Variants in EPB41L5 observed in about 807,000 individuals in gnomAD.
EPB41L5 encodes band 4.1-like protein 5.
EPB41L5 carries 55 observed loss-of-function variants against 106.6 expected under a neutral mutation model. The ratio of observed to expected loss-of-function variants is 0.52; its 90% CI spans 0.42 to 0.65. EPB41L5 has a LOEUF of 0.65. EPB41L5 is among the 30% of genes least tolerant of loss of function. The pLI, the probability that EPB41L5 is intolerant of heterozygous loss-of-function variation, is 0.00. For missense variants in EPB41L5, 871 were observed against 882.1 expected (o/e 0.99, Z 0.16); for synonymous variants, 297 against 306.7 (o/e 0.97, Z 0.33).
chr2:120,041,299 T>C (rs1228923700), intron 2 of EPB41L5, among the ~76,000 whole-genome samples: 1 of 152,146 alleles, frequency 6.6e-6, no homozygotes, highest in Admixed American at 6.5e-5. Flanking sequence ...ATGTGTTGTT[T>C]TGTTTCAGGT....
chr2:120,084,201 T>C (rs562786074), intron 10 of EPB41L5, among the ~76,000 whole-genome samples: 55 of 152,322 alleles, frequency 3.6e-4, no homozygotes, highest in African/African-American at 1.2e-3. Flanking sequence ...CATTAGTTGA[T>C]GCAGTTTCTT....
intron 20 of EPB41L5, among the ~76,000 whole-genome samples, chr2:120,154,676 C>T (rs1686827534): frequency 6.6e-6 from 1 of 151,978 alleles, no homozygotes; most frequent in Non-Finnish European, 1.5e-5. Flanking sequence ...CCTGTAATCC[C>T]AGCACTTTGG....
At chr2:120,119,266 C>T (rs1194764768) in intron 16 of EPB41L5, among the ~76,000 whole-genome samples, 3 of 151,874 alleles carry the variant, frequency 2.0e-5, no homozygotes, top group Non-Finnish European at 4.4e-5. Flanking sequence ...TTCTCCCATT[C>T]TGTAAGTTGT....
chr2:120,169,774 C>T (rs192291443), intron 24 of EPB41L5, among the ~76,000 whole-genome samples: 58 of 152,280 alleles, frequency 3.8e-4, no homozygotes, highest in Admixed American at 1.7e-3. Flanking sequence ...AGTTCACAAA[C>T]CAATATCCAA....
chr2:120,056,328 C>T (rs1261478485), intron 3 of EPB41L5, among the ~76,000 whole-genome samples: 1 of 147,822 alleles, frequency 6.8e-6, no homozygotes, highest in Admixed American at 6.8e-5. Flanking sequence ...GAGATGGAGT[C>T]TCGCTTTGTT....
intron 3 of EPB41L5, among the ~76,000 whole-genome samples, chr2:120,049,385 C>G (rs180926501): frequency 5.9e-5 from 9 of 152,294 alleles, no homozygotes; most frequent in African/African-American, 2.2e-4. Context: ...GTTAGCTCTT[C>G]TTGTTGAATT....
rs137855660 is a variant in EPB41L5 at position 120,130,493 on chromosome 2, A to G, written c.1502-1125A>G. The stretch of plus-strand genomic sequence containing the variant: ...TGGCAGGATGTTCCTTGGACAAAAT[A>G]GTATAGCAGAAAAAGGTTTAACAAC... On this transcript the variant is annotated intron_variant, in intron 17 of 24. Coordinates refer to ENST00000263713, the MANE Select transcript of EPB41L5 (RefSeq NM_020909.4). Among the ~76,000 whole-genome samples the G allele has an allele frequency of 2.9e-3, 445 of 152,372 alleles. 2 individuals carry two copies. The highest frequency in any genetic ancestry group is 0.01 in the African/African-American group (432 of 41,586).
rs191265374 is a variant in EPB41L5 at position 120,030,031 on chromosome 2, G to T, written c.180+10767G>T. ...ACCGCCTTGGCAAAATTATGACTGA[G>T]GAAATGATGACAGTGAAAGAAATCA... On this transcript the variant is annotated intron_variant, in intron 2 of 24. Transcript: ENST00000263713. Among the ~76,000 whole-genome samples the T allele has an allele frequency of 2.3e-3, 347 of 152,312 alleles. 3 individuals are homozygous for T. Among genetic ancestry groups the T allele is most frequent in the African/African-American group, 7.4e-3 (307 of 41,578 alleles).
At chr2:120,165,967 CAAAAA>C (rs536664071) in intron 22 of EPB41L5, among the ~76,000 whole-genome samples, 20 of 27,980 alleles carry the variant, frequency 7.1e-4, no homozygotes, top group Admixed American at 2.0e-3. Context: ...GACTCCGTCT[CAAAAA>C]AAAAAAAAAA....
At chr2:120,153,565 A>C (rs1686771353) in intron 20 of EPB41L5, among the ~76,000 whole-genome samples, 1 of 152,202 alleles carries the variant, frequency 6.6e-6, no homozygotes, top group African/African-American at 2.4e-5. Flanking sequence ...TGTTCTACCC[A>C]TAATGATGAA....
chr2:120,161,532 T>C (rs1285490018), intron 21 of EPB41L5, among the ~76,000 whole-genome samples: 1 of 152,198 alleles, frequency 6.6e-6, no homozygotes, highest in Non-Finnish European at 1.5e-5. Flanking sequence ...TGGCTATGCT[T>C]TCACTCATTT....
At chr2:120,105,852 T>C (rs887847111) in intron 16 of EPB41L5, 13 of 985,370 alleles carry the variant, frequency 1.3e-5, no homozygotes, top group African/African-American at 1.7e-5. Context: ...ATTATAACAT[T>C]TTAAGCACAG....
Position 120,087,197 on chromosome 2 carries a change from A to G in EPB41L5, c.830A>G (p.Lys277Arg), listed in dbSNP as rs1189272148. The G allele has an allele frequency of 1.9e-6, 3 of 1,589,282 alleles. No homozygotes were observed. Among genetic ancestry groups the G allele is most frequent in the Non-Finnish European group, 1.7e-6 (2 of 1,158,912 alleles). Residue 277 changes from lysine to arginine, a missense_variant, in exon 11 of 25, where the codon AAG (lysine) becomes AGG (arginine). Coordinates refer to ENST00000263713, the MANE Select transcript of EPB41L5 (RefSeq NM_020909.4). ...CCGAAGATAACCAGATTGGATTTTA[A>G]GAAGAATAAATTAACCTTGGTGGTT... ...FWPKITRLDF[K>R]KNKLTLVVVE...
intron 20 of EPB41L5, among the ~76,000 whole-genome samples, chr2:120,152,937 T>A (rs1027122197): frequency 6.6e-6 from 1 of 152,200 alleles, no homozygotes; most frequent in African/African-American, 2.4e-5. Flanking sequence ...TACTGAGAGG[T>A]TTCACCCTTT....
intron 2 of EPB41L5, among the ~76,000 whole-genome samples, chr2:120,038,222 C>A (rs1295181027): frequency 6.6e-6 from 1 of 152,194 alleles, no homozygotes; most frequent in Non-Finnish European, 1.5e-5. Context: ...AGAACTTACA[C>A]ATTTCTCCAA....
intron 20 of EPB41L5, 128 bp from the exon 21 acceptor site, chr2:120,160,753 T>C: frequency 1.5e-6 from 1 of 650,618 alleles, no homozygotes; most frequent in Non-Finnish European, 2.7e-6. Flanking sequence ...CCTGATGATT[T>C]TGAGCATTTT....
chr2:120,040,944 A>C (rs950989412), intron 2 of EPB41L5, among the ~76,000 whole-genome samples: 140 of 152,280 alleles, frequency 9.2e-4, no homozygotes, highest in African/African-American at 3.3e-3. Context: ...AGAATTCTAC[A>C]GATGGGAGAG....
intron 18 of EPB41L5, among the ~76,000 whole-genome samples, chr2:120,137,577 A>G (rs769451736): frequency 3.3e-5 from 5 of 152,002 alleles, no homozygotes; most frequent in Admixed American, 1.3e-4. Context: ...ATGAGCAACT[A>G]TATGCCAATA....
At chr2:120,138,155 A>AT (rs1686009207) in intron 18 of EPB41L5, among the ~76,000 whole-genome samples, 1 of 152,048 alleles carries the variant, frequency 6.6e-6, no homozygotes, top group African/African-American at 2.4e-5. Flanking sequence ...AAAGTTCAAT[A>AT]TCCCTTTGTG....
Sources: allele counts gnomAD v4.1 joint callset (sites outside exome capture counted in the v4.1 genomes callset), GRCh38; gene constraint gnomAD v4.1.1; transcripts MANE v1.5; gene names NCBI Gene and HGNC (gene_info 2026-07-23, HGNC 2026-07-21).